NDUFA3: variants seen among roughly 807,000 people sequenced by gnomAD.
The protein encoded by NDUFA3 is NADH:ubiquinone oxidoreductase subunit A3.
NDUFA3 carries 10 observed loss-of-function variants against 11.4 expected under a neutral mutation model. That is an observed-to-expected ratio of 0.87 (90% CI 0.54 to 1.48). The LOEUF is 1.48. NDUFA3 is among the 40% of genes most tolerant of loss of function. The pLI is 0.00. For synonymous variants in NDUFA3, 39 were observed against 46.9 expected (o/e 0.83, Z 0.68); for missense variants, 115 against 110.5 (o/e 1.04, Z -0.18).
intron 2 of NDUFA3, 190 bp from the exon 3 acceptor site, chr19:54,105,744 C>A (rs1228334282): frequency 3.0e-6 from 2 of 664,918 alleles, no homozygotes; most frequent in Non-Finnish European, 5.5e-6. Flanking sequence ...CTTAACCCCC[C>A]AAAAAAGAGT....
rs1330508001 is a variant in NDUFA3 at position 54,102,895 on chromosome 19, G to C, written c.10+7G>C. 1.2e-6 allele frequency: 2 copies of C among 1,610,316 alleles called. No homozygotes were observed. Among genetic ancestry groups the C allele is most frequent in the East Asian group, 2.2e-5 (1 of 44,776 alleles). ...GAGACAAAGATGGCTGCGAGTAAGT[G>C]CAGGTGCCGGTGGCGCACGGGGCTC... On this transcript the variant is annotated splice_region_variant and intron_variant, in intron 1 of 3. Transcript: ENST00000485876.
chr19:54,107,120 G>A lies in NDUFA3; in HGVS notation c.*218G>A. On this transcript the variant is annotated 3_prime_UTR_variant, in exon 4 of 4. Transcript: ENST00000485876. ...GTCTGGACCCCGAGAAACCCAACTG[G>A]AATCCAGGGCCTCATCTGCTTCAAA... The A allele has an allele frequency of 6.2e-7, 1 of 1,613,900 alleles. No individual in the cohort carries two copies. The highest frequency in any genetic ancestry group is 8.5e-7 in the Non-Finnish European group (1 of 1,179,968).
intron 2 of NDUFA3, among the ~76,000 whole-genome samples, chr19:54,103,488 T>A (rs899710485): frequency 5.9e-5 from 9 of 152,152 alleles, no homozygotes; most frequent in Non-Finnish European, 1.0e-4. Flanking sequence ...CTTTTCATCT[T>A]TCCTCTCCCC....
At chr19:54,103,420 C>T (rs1419295391) in intron 2 of NDUFA3, among the ~76,000 whole-genome samples, 2 of 152,146 alleles carry the variant, frequency 1.3e-5, no homozygotes, top group Non-Finnish European at 2.9e-5. Context: ...GAGACGTTCT[C>T]AACCCTGCTT....
At chr19:54,106,341 G>A (rs115806409) in intron 3 of NDUFA3, 560 of 398,590 alleles carry the variant, frequency 1.4e-3, no homozygotes, top group African/African-American at 0.01. Flanking sequence ...AAACTTTTTC[G>A]TATTTTTTTA....
intron 2 of NDUFA3, 91 bp from the exon 3 acceptor site, chr19:54,105,843 C>A: frequency 9.0e-7 from 1 of 1,105,268 alleles, no homozygotes; most frequent in Non-Finnish European, 1.4e-6. Context: ...TCCCCCTGCG[C>A]ACTTTATCTT....
intron 2 of NDUFA3, among the ~76,000 whole-genome samples, chr19:54,105,263 G>GTTTTTTTTTTTTTTTTTTTT (rs1201834834): frequency 5.1e-5 from 2 of 38,998 alleles, no homozygotes; most frequent in Non-Finnish European, 1.1e-4. Flanking sequence ...AGTTTGTAAG[G>GTTTTTTTTTTTTTTTTTTTT]CTTTTTTTTT....
At chr19:54,105,240 C>T (rs587649495) in intron 2 of NDUFA3, among the ~76,000 whole-genome samples, 10 of 139,924 alleles carry the variant, frequency 7.1e-5, no homozygotes, top group South Asian at 2.3e-4. Flanking sequence ...GTTTGTGCAA[C>T]CCTTTCTCCT....
At chr19:54,105,260 A>G (rs2073218882) in intron 2 of NDUFA3, among the ~76,000 whole-genome samples, 1 of 45,330 alleles carries the variant, frequency 2.2e-5, no homozygotes, top group South Asian at 7.6e-4. Flanking sequence ...TCCAGTTTGT[A>G]AGGCTTTTTT....
intron 2 of NDUFA3, among the ~76,000 whole-genome samples, chr19:54,104,223 C>T (rs1253791926): frequency 6.7e-6 from 1 of 148,356 alleles, no homozygotes; most frequent in African/African-American, 2.5e-5. Flanking sequence ...CTGCAACCTC[C>T]GCCTCTAGGG....
intron 2 of NDUFA3, among the ~76,000 whole-genome samples, chr19:54,105,264 C>CTTTTTT (rs796770972): frequency 1.1e-3 from 78 of 70,930 alleles, no homozygotes; most frequent in Admixed American, 1.4e-3. Flanking sequence ...GTTTGTAAGG[C>CTTTTTT]TTTTTTTTTT....
Position 54,107,224 on chromosome 19 carries a change from T to G in NDUFA3, c.*322T>G, listed in dbSNP as rs1256685358. 13 of 1,580,076 alleles carry G rather than the reference T, an allele frequency of 8.2e-6. No homozygotes were observed. The highest frequency in any genetic ancestry group is 1.0e-5 in the Non-Finnish European group (12 of 1,164,484). On this transcript the variant is annotated 3_prime_UTR_variant, in exon 4 of 4. Transcript: ENST00000485876. ...AGGCCTGGGAATCTAGAAAATCCCA[T>G]CAGCTTCACCATTTTTGTTTTCATT...
chr19:54,103,164 G>T lies in NDUFA3; in HGVS notation c.61G>T (p.Val21Leu), dbSNP rs373312737. The T allele has an allele frequency of 1.2e-6, 2 of 1,602,192 alleles. No individual in the cohort carries two copies. Among genetic ancestry groups the T allele is most frequent in the Non-Finnish European group, 8.5e-7 (1 of 1,172,320 alleles). ...NAWDKEPVLVVSFVVGGLAVI... is the reference protein window; with the variant it reads ...NAWDKEPVLVLSFVVGGLAVI... The stretch of plus-strand genomic sequence containing the variant: ...CTGGGACAAGGAGCCAGTGCTGGTC[G>T]TGTCCTTCGTCGTCGGGGGCCTCGG... The change falls in exon 2 of 4, where the codon GTG becomes TTG. Residue 21 changes from valine (V) to leucine (L), a missense_variant. By Grantham distance (32) the Val-to-Leu change is conservative. Transcript: ENST00000485876.
At chr19:54,106,446 G>C (rs1237294302) in intron 3 of NDUFA3, 2 of 351,978 alleles carry the variant, frequency 5.7e-6, no homozygotes, top group African/African-American at 4.3e-5. Flanking sequence ...TGGGATTACA[G>C]GTGTGAGCCA....
intron 2 of NDUFA3, 185 bp from the exon 3 acceptor site, chr19:54,105,749 A>G: frequency 3.0e-6 from 2 of 670,052 alleles, no homozygotes. Context: ...CCCCCCAAAA[A>G]AGAGTTTTAA....
rs587741124 is a variant in NDUFA3, at chr19:54,106,603, G to A, written c.164-208G>A. On this transcript the variant is annotated intron_variant, in intron 3 of 3. Coordinates refer to ENST00000485876, the MANE Select transcript of NDUFA3 (RefSeq NM_004542.4). ...TCTTTTGACCCTAGCTCTCTAGTGC[G>A]CGGGATCTCTCCCTCGCTATCTCTC... 3.3e-4 allele frequency: 164 copies of A among 492,708 alleles called. 2 individuals are homozygous for A. Among genetic ancestry groups the A allele is most frequent in the African/African-American group, 2.8e-3 (141 of 50,316 alleles). 30.5% of individuals were successfully genotyped at this position (492,708 alleles called of 1,614,324 possible).
rs145464907 is a variant in NDUFA3 at position 54,103,823 on chromosome 19, C to T, written c.85+635C>T. 5.8e-3 allele frequency among the ~76,000 whole-genome samples: 876 copies of T among 151,774 alleles called. 7 individuals are homozygous for T. The highest frequency in any genetic ancestry group is 0.02 in the African/African-American group (826 of 41,328). ...CCTCCCGAGTAGCTGGGATTACAGG[C>T]GCCCAGCTAATTTTTTGTTTTTGTT... On this transcript the variant is annotated intron_variant, in intron 2 of 3. Coordinates refer to ENST00000485876, the MANE Select transcript of NDUFA3 (RefSeq NM_004542.4).
intron 3 of NDUFA3, chr19:54,106,556 G>T: frequency 2.2e-6 from 1 of 456,256 alleles, no homozygotes; most frequent in Non-Finnish European, 3.9e-6. Flanking sequence ...ATCTTCTCAG[G>T]TTTCTGTCCT....
In NDUFA3 at chr19:54,107,163, C is replaced by T. The variant is rs761247321; in HGVS notation, c.*261C>T. 50 of 1,613,252 alleles carry T rather than the reference C, an allele frequency of 3.1e-5. No homozygotes were observed. Among genetic ancestry groups the T allele is most frequent in the Non-Finnish European group, 4.0e-5 (47 of 1,179,834 alleles). ...GCTTCAAAGCCAAAGTCTTCCTCAA[C>T]CTTAATCTGCAGGAGATAAGGAACA... is the stretch of plus-strand genomic sequence containing the variant. On this transcript the variant is annotated 3_prime_UTR_variant, in exon 4 of 4. Transcript: ENST00000485876.
Sources: allele counts gnomAD v4.1 joint callset (sites outside exome capture counted in the v4.1 genomes callset), GRCh38; gene constraint gnomAD v4.1.1; transcripts MANE v1.5; gene names NCBI Gene and HGNC (gene_info 2026-07-23, HGNC 2026-07-21).